MINAR2: variants seen among roughly 807,000 people sequenced by gnomAD.
MINAR2 encodes the protein membrane integral NOTCH2 associated receptor 2.
In MINAR2, 21 loss-of-function variants were observed where a neutral mutation model predicts 16.1. That is an observed-to-expected ratio of 1.31 (90% confidence interval 0.93 to 1.88). The LOEUF (loss-of-function observed/expected upper bound fraction) is 1.88, where lower values mean the gene tolerates loss of function less well. MINAR2 is among the 40% of genes most tolerant of loss of function. The pLI, the probability that MINAR2 is intolerant of heterozygous loss-of-function variation, is 0.00. For synonymous variants in MINAR2, 86 were observed against 83.0 expected (o/e 1.04, Z -0.20); for missense variants, 259 against 229.8 (o/e 1.13, Z -0.82).
intron 2 of MINAR2, among the ~76,000 whole-genome samples, chr5:129,763,444 T>C (rs1279192775): frequency 1.3e-5 from 2 of 152,148 alleles, no homozygotes; most frequent in Non-Finnish European, 2.9e-5. Flanking sequence ...TTTTTCTACA[T>C]TGGTAAGAGT....
intron 2 of MINAR2, chr5:129,762,647 T>C: frequency 3.5e-6 from 1 of 287,490 alleles, no homozygotes; most frequent in South Asian, 4.8e-5. Context: ...ATTACTTCCG[T>C]GCTTCTTTAT....
At chr5:129,757,065 A>AAT (rs58719695) in intron 1 of MINAR2, among the ~76,000 whole-genome samples, 18,956 of 145,380 alleles carry the variant, frequency 0.13, 2,754 homozygotes, top group African/African-American at 0.36. Context: ...TGTATCACCT[A>AAT]ATATATATAT....
intron 1 of MINAR2, among the ~76,000 whole-genome samples, chr5:129,750,300 G>A (rs955690392): frequency 1.8e-4 from 27 of 152,248 alleles, no homozygotes; most frequent in African/African-American, 4.6e-4. Flanking sequence ...ATGATACCAC[G>A]ATAGCATGCC....
chr5:129,760,329 C>T, intron 1 of MINAR2, 49 bp from the exon 2 acceptor site: 1 of 1,379,594 alleles, frequency 7.2e-7, no homozygotes, highest in Non-Finnish European at 9.9e-7. Flanking sequence ...GCATTCCCTA[C>T]TATCAGAAGG....
chr5:129,749,223 C>G (rs931852931), intron 1 of MINAR2, among the ~76,000 whole-genome samples: 1 of 152,128 alleles, frequency 6.6e-6, no homozygotes, highest in African/African-American at 2.4e-5. Flanking sequence ...CCTACAAACC[C>G]CTGCAAGTCA....
chr5:129,764,683 C>T (rs563950270), intron 2 of MINAR2, among the ~76,000 whole-genome samples: 1 of 152,206 alleles, frequency 6.6e-6, no homozygotes, highest in South Asian at 2.1e-4. Context: ...TCCTTGTCAG[C>T]CAGGAGACTG....
chr5:129,756,857 A>G (rs1758059982), intron 1 of MINAR2, among the ~76,000 whole-genome samples: 1 of 150,286 alleles, frequency 6.7e-6, no homozygotes, highest in Non-Finnish European at 1.5e-5. Context: ...TTTGTCTCCA[A>G]GGATCTTGCC....
chr5:129,751,597 A>T (rs1417231075), intron 1 of MINAR2, among the ~76,000 whole-genome samples: 4 of 152,160 alleles, frequency 2.6e-5, no homozygotes, highest in Non-Finnish European at 5.9e-5. Flanking sequence ...CAGGTCTCCC[A>T]TATTTGCAGA....
At chr5:129,755,719 T>C (rs556553539) in intron 1 of MINAR2, among the ~76,000 whole-genome samples, 27 of 152,220 alleles carry the variant, frequency 1.8e-4, no homozygotes, top group Admixed American at 1.4e-3. Context: ...TTGAGCAGTA[T>C]TGCCAGAGAT....
At chr5:129,748,586 T>C (rs1757947181) in intron 1 of MINAR2, among the ~76,000 whole-genome samples, 1 of 152,222 alleles carries the variant, frequency 6.6e-6, no homozygotes, top group African/African-American at 2.4e-5. Flanking sequence ...TTAGCTTCTC[T>C]GCCTATCCTC....
At chr5:129,752,778 CT>C (rs74312033) in intron 1 of MINAR2, among the ~76,000 whole-genome samples, 39,148 of 146,758 alleles carry the variant, frequency 0.27, 5,970 homozygotes, top group African/African-American at 0.42. Flanking sequence ...AAATGTGTGT[CT>C]TTTTTTTTTT....
chr5:129,763,428 C>G (rs1581294291), intron 2 of MINAR2, among the ~76,000 whole-genome samples: 1 of 152,198 alleles, frequency 6.6e-6, no homozygotes, highest in South Asian at 2.1e-4. Flanking sequence ...CCTGTGGTCA[C>G]TCCCATTTTT....
intron 2 of MINAR2, among the ~76,000 whole-genome samples, chr5:129,761,418 G>T (rs1054407914): frequency 4.9e-4 from 74 of 152,036 alleles, no homozygotes; most frequent in African/African-American, 1.5e-3. Flanking sequence ...AAGCACTCGA[G>T]AATTTTTTTC....
chr5:129,763,358 T>C (rs2149547147), intron 2 of MINAR2, among the ~76,000 whole-genome samples: 1 of 152,324 alleles, frequency 6.6e-6, no homozygotes, highest in South Asian at 2.1e-4. Flanking sequence ...CTATATCTCA[T>C]AGAGCCCCTA....
chr5:129,761,870 A>C (rs1341134526), intron 2 of MINAR2, among the ~76,000 whole-genome samples: 1 of 152,184 alleles, frequency 6.6e-6, no homozygotes, highest in East Asian at 1.9e-4. Flanking sequence ...GCAAACTAAC[A>C]GACAATAACT....
chr5:129,755,835 GATTTT>G (rs1367704210), intron 1 of MINAR2, among the ~76,000 whole-genome samples: 3 of 151,818 alleles, frequency 2.0e-5, no homozygotes, highest in African/African-American at 4.8e-5. Flanking sequence ...TTACATTTAT[GATTTT>G]ATTTTGACTG....
At chr5:129,755,168 G>A (rs1758039353) in intron 1 of MINAR2, among the ~76,000 whole-genome samples, 1 of 151,754 alleles carries the variant, frequency 6.6e-6, no homozygotes, top group Admixed American at 6.6e-5. Context: ...CCATCCTGTT[G>A]GTATAACATC....
chr5:129,749,090 AAC>A (rs1757954618), intron 1 of MINAR2, among the ~76,000 whole-genome samples: 2 of 152,154 alleles, frequency 1.3e-5, no homozygotes, highest in Non-Finnish European at 2.9e-5. Flanking sequence ...TAAAGGCCCT[AAC>A]TGTTGCACAG....
intron 2 of MINAR2, chr5:129,762,557 T>A (rs1350046389): frequency 1.5e-5 from 5 of 338,016 alleles, no homozygotes; most frequent in African/African-American, 1.1e-4. Context: ...TTTCAGGTTT[T>A]CTGCTCTTTG....
Sources: gnomAD v4.1 joint callset for allele counts (sites outside exome capture counted in the v4.1 genomes callset) on GRCh38, gnomAD v4.1.1 for gene constraint, MANE v1.5 for transcripts, NCBI Gene and HGNC (gene_info 2026-07-23, HGNC 2026-07-21) for gene names.